Variants in MN1 observed in about 807,000 individuals in gnomAD.
MN1 encodes the protein MN1 proto-oncogene, transcriptional regulator, also known as transcriptional activator MN1.
In MN1, 19 loss-of-function variants were observed where a neutral mutation model predicts 86.9. The ratio of observed to expected loss-of-function variants is 0.22; its 90% confidence interval spans 0.15 to 0.32. The LOEUF (loss-of-function observed/expected upper bound fraction) is 0.32, where lower values mean the gene tolerates loss of function less well. Ranked by LOEUF, MN1 falls within the 10% of genes least tolerant of loss-of-function variation. The probability of loss-of-function intolerance (pLI) is 1.00; values close to 1 mark genes in which losing one functional copy is unlikely to be tolerated. For missense variants in MN1, 1,841 were observed against 1,862.0 expected, an observed-to-expected ratio of 0.99 and a Z score of 0.21; for synonymous variants, 928 against 849.6, an observed-to-expected ratio of 1.09 and a Z score of -1.60.
Position 27,797,232 on chromosome 22 carries a change from G to A in MN1, c.3312C>T (p.Gly1104=). Residue 1104 remains glycine (G), a synonymous_variant, in exon 1 of 2, where the codon GGC becomes GGT. Transcript: ENST00000302326. ...HGPKAPPPAL[G]LGIMSNSTST... The stretch of plus-strand genomic sequence containing the variant: ...AGGTAGAGTTAGACATGATGCCCAG[G>A]CCGAGGGCGGGCGGGGGCGCCTTCG... The A allele has an allele frequency of 6.4e-7, 1 of 1,565,960 alleles. No homozygotes were observed. Among genetic ancestry groups the A allele is most frequent in the Non-Finnish European group, 8.6e-7 (1 of 1,162,160 alleles).
chr22:27,797,847 G>A lies in MN1; in HGVS notation c.2697C>T (p.Ser899=). Residue 899 remains serine (S), a synonymous_variant, in exon 1 of 2, where the codon AGC becomes AGT. Transcript: ENST00000302326. ...GPGGPSGTSS[S]GSKASGPPNP... is the part of the protein sequence containing the mutation. Reference sequence around the variant, plus strand: ...TGGGCGGCCCCGAGGCTTTGGAGCCGCTGCTACTGGTCCCGGACGGGCCTC... The same window carrying A: ...TGGGCGGCCCCGAGGCTTTGGAGCCACTGCTACTGGTCCCGGACGGGCCTC... 2 of 1,578,102 alleles carry A rather than the reference G, an allele frequency of 1.3e-6. No individual in the cohort carries two copies. Among genetic ancestry groups the A allele is most frequent in the Non-Finnish European group, 1.7e-6 (2 of 1,164,340 alleles).
intron 1 of MN1, among the ~76,000 whole-genome samples, chr22:27,788,340 G>A (rs715627): frequency 6.6e-6 from 1 of 152,024 alleles, no homozygotes; most frequent in African/African-American, 2.4e-5. Flanking sequence ...CCTAAAACTT[G>A]CAAGGACGCT....
At chr22:27,780,611 A>G (rs1024978605) in intron 1 of MN1, among the ~76,000 whole-genome samples, 2 of 152,160 alleles carry the variant, frequency 1.3e-5, no homozygotes, top group African/African-American at 2.4e-5. Context: ...AATCACCAGA[A>G]CACTAGTGGC....
At chr22:27,752,055 C>G (rs1233166759) in intron 1 of MN1, among the ~76,000 whole-genome samples, 1 of 152,162 alleles carries the variant, frequency 6.6e-6, no homozygotes, top group East Asian at 1.9e-4. Flanking sequence ...TTAGCTTGCT[C>G]ATACTCCATT....
At position 27,762,533 on chromosome 22, in the gene MN1, A is replaced by C. The variant is rs562034141; in HGVS notation, c.3782-11437T>G. ...AGTATTACCATTAAGTACTATTATTATATTTGAGAGTCTCTCCAGCCCTGT... is the reference window on the plus strand; with the variant it reads ...AGTATTACCATTAAGTACTATTATTCTATTTGAGAGTCTCTCCAGCCCTGT... On this transcript the variant is annotated intron_variant, in intron 1 of 1. Transcript: ENST00000302326. Among the ~76,000 whole-genome samples the C allele has an allele frequency of 1.5e-4, 23 of 152,258 alleles. 1 individual carries two copies. The South Asian group carries it at 4.4e-3, about 29-fold the overall frequency.
chr22:27,783,296 T>G lies in MN1; in HGVS notation c.3781+13467A>C, dbSNP rs181869827. ...ATTACAGACACCCACCACACCCCAC[T>G]CATTTTTGTATTTTTAGTAGAGATG... On this transcript the variant is annotated intron_variant, in intron 1 of 1. Transcript: ENST00000302326. Among the ~76,000 whole-genome samples, 55 of 152,030 alleles carry G rather than the reference T, an allele frequency of 3.6e-4. No homozygotes were observed. The East Asian group carries it at 9.3e-3, about 26-fold the overall frequency.
chr22:27,786,430 AACAC>A (rs3831690), intron 1 of MN1, among the ~76,000 whole-genome samples: 11 of 148,922 alleles, frequency 7.4e-5, no homozygotes, highest in Admixed American at 3.3e-4. Flanking sequence ...TTAAAAGTTA[AACAC>A]ACACACACAC....
Position 27,749,358 on chromosome 22 carries a change from C to T in MN1, c.*1557G>A, listed in dbSNP as rs769417654. ...GGGGGTGGGGGAGCTCAAAGTGGAG[C>T]GTTTTAGTAAGACACGCTCGTTAAC... On this transcript the variant is annotated 3_prime_UTR_variant, in exon 2 of 2. Coordinates refer to ENST00000302326, the MANE Select transcript of MN1 (RefSeq NM_002430.3). 9.1e-5 allele frequency: 21 copies of T among 231,542 alleles called. No homozygotes were observed. The highest frequency in any genetic ancestry group is 1.4e-4 in the Non-Finnish European group (16 of 117,090). 14.3% of individuals were successfully genotyped at this position (231,542 alleles called of 1,614,324 possible).
rs1416971909 is a variant in MN1, at chr22:27,799,647, C to G, written c.897G>C (p.Gln299His). Residue 299 changes from glutamine (Q) to histidine (H), a missense_variant, in exon 1 of 2, where the codon CAG becomes CAC. By Grantham distance (24) the Gln-to-His change is conservative (BLOSUM62 0). Coordinates refer to ENST00000302326, the MANE Select transcript of MN1 (RefSeq NM_002430.3). ...GCTGCTGCTGCTGGGGCTGCTGCTG[C>G]TGCTGGGGCTGCTGCTGCGGTGGCT... is the stretch of plus-strand genomic sequence containing the variant. ...HAQPPQQQPQ[Q>H]QQQPQQQQQQ... The G allele has an allele frequency of 6.5e-7, 1 of 1,549,528 alleles. No individual in the cohort carries two copies.
chr22:27,753,834 C>T (rs1436327276), intron 1 of MN1, among the ~76,000 whole-genome samples: 2 of 152,142 alleles, frequency 1.3e-5, no homozygotes, highest in Admixed American at 6.5e-5. Context: ...CCCATGCTTG[C>T]CTTGTTCCCA....
At chr22:27,754,756 G>A (rs558410477) in intron 1 of MN1, among the ~76,000 whole-genome samples, 17 of 152,202 alleles carry the variant, frequency 1.1e-4, no homozygotes, top group Admixed American at 5.9e-4. Flanking sequence ...TCCTTGAGGC[G>A]GTAAGCACGC....
rs1031194144 is a variant in MN1 at position 27,798,778 on chromosome 22, A to G, written c.1766T>C (p.Leu589Pro). The change falls in exon 1 of 2, where the codon CTG becomes CCG. Residue 589 changes from leucine (L) to proline (P), a missense_variant. By Grantham distance (98) the Leu-to-Pro change is moderately conservative. Transcript: ENST00000302326. ...GCCGCCCACCGGGCCGCCATGCACCAGGCCGCCCTGGCCCACGTCCCCGGG... is the reference window on the plus strand; with the variant it reads ...GCCGCCCACCGGGCCGCCATGCACCGGGCCGCCCTGGCCCACGTCCCCGGG... ...GHPGDVGQGGLVHGGPVGGLA... is the reference protein window; with the variant it reads ...GHPGDVGQGGPVHGGPVGGLA... 4 of 1,534,916 alleles carry G rather than the reference A, an allele frequency of 2.6e-6. No individual in the cohort carries two copies. Among genetic ancestry groups the G allele is most frequent in the Admixed American group, 3.9e-5 (2 of 51,016 alleles).
chr22:27,796,725 T>C, intron 1 of MN1, 38 bp downstream of exon 1: 1 of 1,538,826 alleles, frequency 6.5e-7, no homozygotes, highest in Non-Finnish European at 8.7e-7. Flanking sequence ...ATGGGGCGGG[T>C]CACCCGGGAA....
chr22:27,751,155 T>C (rs756653529), intron 1 of MN1, 59 bp from the exon 2 acceptor site: 1 of 1,440,412 alleles, frequency 6.9e-7, no homozygotes, highest in Middle Eastern at 2.7e-4. Context: ...AGGGACACCA[T>C]AATGGGGGCC....
Position 27,789,773 on chromosome 22 carries a change from G to A in MN1, c.3781+6990C>T, listed in dbSNP as rs116724757. Among the ~76,000 whole-genome samples the A allele has an allele frequency of 3.4e-3, 512 of 152,318 alleles. 1 individual carries two copies. Among genetic ancestry groups the A allele is most frequent in the African/African-American group, 0.012 (492 of 41,572 alleles). ...GTTTAAAGGGCATTTGGGTCCCTACGATGATGCGTAAATCGTGAAAAGATA... is the reference window on the plus strand; with the variant it reads ...GTTTAAAGGGCATTTGGGTCCCTACAATGATGCGTAAATCGTGAAAAGATA... On this transcript the variant is annotated intron_variant, in intron 1 of 1. Coordinates refer to ENST00000302326, the MANE Select transcript of MN1 (RefSeq NM_002430.3).
At chr22:27,790,075 G>A (rs73164489) in intron 1 of MN1, among the ~76,000 whole-genome samples, 144 of 152,364 alleles carry the variant, frequency 9.5e-4, no homozygotes, top group Non-Finnish European at 1.4e-3. Flanking sequence ...GGCAAACACC[G>A]GGTTGGGAGC....
intron 1 of MN1, among the ~76,000 whole-genome samples, chr22:27,758,621 C>T (rs1195193097): frequency 6.6e-6 from 1 of 152,132 alleles, no homozygotes; most frequent in Admixed American, 6.5e-5. Flanking sequence ...TATCCTGGTC[C>T]CTGGCATTGT....
intron 1 of MN1, among the ~76,000 whole-genome samples, chr22:27,770,289 A>C (rs1451885424): frequency 6.6e-6 from 1 of 152,222 alleles, no homozygotes; most frequent in Non-Finnish European, 1.5e-5. Context: ...TTGTCACCCC[A>C]GAGTCACAGT....
At chr22:27,795,516 G>A (rs183561545) in intron 1 of MN1, among the ~76,000 whole-genome samples, 2 of 151,680 alleles carry the variant, frequency 1.3e-5, no homozygotes, top group Non-Finnish European at 1.5e-5. Flanking sequence ...AATTGCACTG[G>A]GGGGGGACAC....
Sources: gnomAD v4.1 joint callset for allele counts (sites outside exome capture counted in the v4.1 genomes callset) on GRCh38, gnomAD v4.1.1 for gene constraint, MANE v1.5 for transcripts, NCBI Gene and HGNC (gene_info 2026-07-23, HGNC 2026-07-21) for gene names.